ADNP2: variants seen among roughly 807,000 people sequenced by gnomAD.
ADNP2 encodes the protein activity-dependent neuroprotector homeobox protein 2.
ADNP2 carries 8 observed loss-of-function variants against 16.4 expected under a neutral mutation model. The observed-to-expected ratio is 0.49, with a 90% confidence interval of 0.29 to 0.88. The LOEUF (loss-of-function observed/expected upper bound fraction) is 0.88, where lower values mean the gene tolerates loss of function less well. Ranked by LOEUF, ADNP2 falls within the 40% of genes least tolerant of loss-of-function variation. The pLI is 0.09. For synonymous variants in ADNP2, 637 were observed against 545.8 expected, an observed-to-expected ratio of 1.17 and a Z score of -2.33; for missense variants, 1,397 against 1,395.1, an observed-to-expected ratio of 1.00 and a Z score of -0.02.
rs146790272 is a variant in ADNP2, at chr18:80,137,270, C to T, written c.1857C>T (p.Pro619=). 4.6e-5 allele frequency: 74 copies of T among 1,614,060 alleles called. No homozygotes were observed. Among genetic ancestry groups the T allele is most frequent in the Non-Finnish European group, 5.6e-5 (66 of 1,180,032 alleles). The change falls in exon 4 of 4, where the codon CCC becomes CCT. Residue 619 remains proline, a synonymous_variant. Transcript: ENST00000262198. The surrounding 1 kb of genome is among the most constrained non-coding windows in gnomAD (Gnocchi z 4.2). ...VNGIPTYTLA[P]VSVTLPVPPG... ...GGATTCCAACCTACACGCTGGCCCC[C>T]GTGTCTGTCACTCTGCCGGTTCCCC...
At chr18:80,117,113 T>C (rs899633677) in intron 1 of ADNP2, among the ~76,000 whole-genome samples, 2 of 152,232 alleles carry the variant, frequency 1.3e-5, no homozygotes, top group African/African-American at 4.8e-5. Context: ...TTGCAAATAT[T>C]TTCTCCCGTT....
chr18:80,115,289 C>T (rs771252299), intron 1 of ADNP2, among the ~76,000 whole-genome samples: 2 of 152,122 alleles, frequency 1.3e-5, no homozygotes, highest in Non-Finnish European at 2.9e-5. Context: ...CTTTATATTC[C>T]GGCACAGGAT....
At chr18:80,133,430 C>T (rs565814407) in intron 3 of ADNP2, among the ~76,000 whole-genome samples, 1 of 152,224 alleles carries the variant, frequency 6.6e-6, no homozygotes, top group South Asian at 2.1e-4. Context: ...GTTGTTTGTC[C>T]TTGATTATAA....
At chr18:80,130,748 G>T (rs948209335) in intron 2 of ADNP2, among the ~76,000 whole-genome samples, 2 of 74,668 alleles carry the variant, frequency 2.7e-5, no homozygotes, top group Admixed American at 1.3e-4. Context: ...CCGCCCCCCC[G>T]CCCACGTCAG....
chr18:80,135,794 C>A lies in ADNP2; in HGVS notation c.381C>A (p.Phe127Leu). 1 of 1,614,124 alleles carries A rather than the reference C, an allele frequency of 6.2e-7. No homozygotes were observed. The highest frequency in any genetic ancestry group is 8.5e-7 in the Non-Finnish European group (1 of 1,180,022). Residue 127 changes from phenylalanine (F) to leucine (L), a missense_variant, in exon 4 of 4, where the codon TTC becomes TTA. By Grantham distance (22) the Phe-to-Leu change is conservative. Transcript: ENST00000262198. ...PKVVGRHFRM[F>L]HAPVRKVQNY... ...TTGTGGGAAGGCACTTCAGAATGTT[C>A]CATGCACCTGTCCGGAAAGTCCAGA...
At chr18:80,123,433 G>A (rs373760604) in intron 2 of ADNP2, among the ~76,000 whole-genome samples, 3 of 149,472 alleles carry the variant, frequency 2.0e-5, no homozygotes, top group Admixed American at 6.6e-5. Context: ...GTGCAGTGGC[G>A]CAATCTTGGC....
In ADNP2 at chr18:80,137,154, C is replaced by A; in HGVS notation, c.1741C>A (p.Pro581Thr). ...CACCAACATTCTGCCTGTGAATCAG[C>A]CAGTGAGACCTGGTGCTTCGCAGAA... Reference protein sequence around the residue: ...VGTNILPVNQPVRPGASQNTT... With the variant: ...VGTNILPVNQTVRPGASQNTT... Residue 581 changes from proline to threonine, a missense_variant, in exon 4 of 4, where the codon CCA becomes ACA. Around this residue, in one of 3 missense-constraint regions of ADNP2, gnomAD observed 777 missense variants for 719.4 expected, o/e 1.08. Coordinates refer to ENST00000262198, the MANE Select transcript of ADNP2 (RefSeq NM_014913.4). This position sits in a 1 kb window ranked among gnomAD's most constrained non-coding sequence, Gnocchi z 4.2. The A allele has an allele frequency of 6.2e-7, 1 of 1,614,244 alleles. No homozygotes were observed. The highest frequency in any genetic ancestry group is 8.5e-7 in the Non-Finnish European group (1 of 1,180,038).
In ADNP2 at chr18:80,136,121, A is replaced by G. The variant is rs1444229443; in HGVS notation, c.708A>G (p.Thr236=). The G allele has an allele frequency of 3.7e-6, 6 of 1,614,232 alleles. No individual in the cohort carries two copies. The highest frequency in any genetic ancestry group is 1.3e-5 in the African/African-American group (1 of 75,080). Residue 236 remains threonine, a synonymous_variant, in exon 4 of 4, where the codon ACA becomes ACG. Transcript: ENST00000262198. ...ATGCGTTAATGTATCACATTTTGACATCAGACATACACAGAGATTTGGAGA... is the reference window on the plus strand; with the variant it reads ...ATGCGTTAATGTATCACATTTTGACGTCAGACATACACAGAGATTTGGAGA... ...SQDALMYHIL[T]SDIHRDLENK...
At chr18:80,129,964 C>CT (rs755536776) in intron 2 of ADNP2, among the ~76,000 whole-genome samples, 1 of 152,208 alleles carries the variant, frequency 6.6e-6, no homozygotes, top group Non-Finnish European at 1.5e-5. Context: ...TATAGTGCCT[C>CT]TGGGAAAGGC....
intron 2 of ADNP2, among the ~76,000 whole-genome samples, chr18:80,123,344 AGTT>A (rs2052437168): frequency 6.6e-6 from 1 of 151,986 alleles, no homozygotes; most frequent in South Asian, 2.1e-4. Flanking sequence ...ATGAGTTAGA[AGTT>A]GTTCCCTCCT....
chr18:80,138,694 G>A lies in ADNP2; in HGVS notation c.3281G>A (p.Arg1094Lys), dbSNP rs2052560694. ...GATGTGGCTTCATTTTTTGGAAAAA[G>A]AAGGTATATTTGCATGAAAGCAATA... ...KIDVASFFGKRRYICMKAIKN... is the reference protein window; with the variant it reads ...KIDVASFFGKKRYICMKAIKN... Residue 1094 changes from arginine to lysine, a missense_variant, in exon 4 of 4, where the codon AGA (arginine) becomes AAA (lysine). Physicochemically the swap from Arg to Lys is conservative, Grantham distance 26. This residue lies in a region of ADNP2 where 611 missense variants were observed against 648.7 expected (regional missense o/e 0.94). Coordinates refer to ENST00000262198, the MANE Select transcript of ADNP2 (RefSeq NM_014913.4). The A allele has an allele frequency of 2.5e-6, 4 of 1,612,276 alleles. No individual in the cohort carries two copies. The highest frequency in any genetic ancestry group is 1.1e-5 in the South Asian group (1 of 90,388).
At chr18:80,120,405 C>T (rs910052612) in intron 2 of ADNP2, among the ~76,000 whole-genome samples, 7 of 149,890 alleles carry the variant, frequency 4.7e-5, no homozygotes, top group Admixed American at 2.0e-4. Flanking sequence ...AATCATGGCT[C>T]CCTGCAGCCT....
At position 80,140,123 on chromosome 18, in the gene ADNP2, T is replaced by C. The variant is rs2052571979; in HGVS notation, c.*1314T>C. 6.6e-6 allele frequency: 1 copy of C among 152,196 alleles called. No individual in the cohort carries two copies. Among genetic ancestry groups the C allele is most frequent in the Admixed American group, 6.5e-5 (1 of 15,284 alleles). 9.4% of individuals were successfully genotyped at this position (152,196 alleles called of 1,614,324 possible). On this transcript the variant is annotated 3_prime_UTR_variant, in exon 4 of 4. Coordinates refer to ENST00000262198, the MANE Select transcript of ADNP2 (RefSeq NM_014913.4). ...TCTTTAGGTAGAAATATTTGGAGGA[T>C]GTGACAGCCTCTGAGAAACATAATG...
chr18:80,136,078 C>T lies in ADNP2; in HGVS notation c.665C>T (p.Ala222Val), dbSNP rs771493666. 1.9e-6 allele frequency: 3 copies of T among 1,614,202 alleles called. No homozygotes were observed. Among genetic ancestry groups the T allele is most frequent in the Non-Finnish European group, 2.5e-6 (3 of 1,180,022 alleles). Reference protein sequence around the residue: ...PDKYYCKKCNANASSQDALMY... With the variant: ...PDKYYCKKCNVNASSQDALMY... Reference sequence around the variant, plus strand: ...AAATATTACTGTAAAAAGTGCAACGCCAATGCCAGCAGCCAGGATGCGTTA... The same window carrying T: ...AAATATTACTGTAAAAAGTGCAACGTCAATGCCAGCAGCCAGGATGCGTTA... Residue 222 changes from alanine to valine, a missense_variant, in exon 4 of 4, where the codon GCC (alanine) becomes GTC (valine). Physicochemically the swap from Ala to Val is moderately conservative, Grantham distance 64 (BLOSUM62 0). Coordinates refer to ENST00000262198, the MANE Select transcript of ADNP2 (RefSeq NM_014913.4).
At position 80,138,010 on chromosome 18, in the gene ADNP2, C is replaced by T. The variant is rs2052554051; in HGVS notation, c.2597C>T (p.Thr866Ile). ...AAGGTGAGGCCTCAGGCTGAGGGCA[C>T]CCCCGGGAGCACCGGCAAGCGAGTG... ...YVKVRPQAEG[T>I]PGSTGKRVST... The change falls in exon 4 of 4, where the codon ACC becomes ATC. Residue 866 changes from threonine (T) to isoleucine (I), a missense_variant. This residue lies in a region of ADNP2 where 611 missense variants were observed against 648.7 expected (regional missense o/e 0.94). Coordinates refer to ENST00000262198, the MANE Select transcript of ADNP2 (RefSeq NM_014913.4). 6.2e-7 allele frequency: 1 copy of T among 1,613,334 alleles called. No homozygotes were observed. Among genetic ancestry groups the T allele is most frequent in the African/African-American group, 1.3e-5 (1 of 75,034 alleles).
chr18:80,130,684 C>G lies in ADNP2; in HGVS notation c.109-2419C>G, dbSNP rs868374936. On this transcript the variant is annotated intron_variant, in intron 2 of 3. Transcript: ENST00000262198. ...ACTTCATCAGGATTCTGCCCCAGGC[C>G]TTGTTGTTTCTCTCTCTCCTGTTCC... Among the ~76,000 whole-genome samples the G allele has an allele frequency of 2.3e-4, 35 of 152,214 alleles. 1 individual carries two copies. In the Middle Eastern group the frequency reaches 0.01, roughly 44 times the overall value.
chr18:80,136,360 C>T lies in ADNP2; in HGVS notation c.947C>T (p.Pro316Leu). The change falls in exon 4 of 4, where the codon CCT (proline) becomes CTT (leucine). Residue 316 changes from proline (P) to leucine (L), a missense_variant. By Grantham distance (98) the Pro-to-Leu change is moderately conservative. Around this residue, in one of 3 missense-constraint regions of ADNP2, gnomAD observed 777 missense variants for 719.4 expected, o/e 1.08. Coordinates refer to ENST00000262198, the MANE Select transcript of ADNP2 (RefSeq NM_014913.4). ...CCAGTGACTGTGGCCCAGGGTGCCCCTGGAAGCCTCACTCATTCCCCCCCT... is the reference window on the plus strand; with the variant it reads ...CCAGTGACTGTGGCCCAGGGTGCCCTTGGAAGCCTCACTCATTCCCCCCCT... ...GQPVTVAQGA[P>L]GSLTHSPPAA... The T allele has an allele frequency of 1.9e-6, 3 of 1,614,242 alleles. No individual in the cohort carries two copies. Among genetic ancestry groups the T allele is most frequent in the Non-Finnish European group, 2.5e-6 (3 of 1,180,050 alleles).
At position 80,136,663 on chromosome 18, in the gene ADNP2, G is replaced by T; in HGVS notation, c.1250G>T (p.Gly417Val). The T allele has an allele frequency of 1.9e-6, 3 of 1,613,592 alleles. No homozygotes were observed. The highest frequency in any genetic ancestry group is 2.5e-6 in the Non-Finnish European group (3 of 1,179,650). ...VGPINRPVGP[G>V]VLPVSPSVTP... ...CCCATAAACAGACCTGTTGGGCCTG[G>T]TGTTCTTCCTGTGAGCCCCTCTGTC... The change falls in exon 4 of 4, where the codon GGT becomes GTT. Residue 417 changes from glycine to valine, a missense_variant. Transcript: ENST00000262198.
chr18:80,137,410 T>C lies in ADNP2; in HGVS notation c.1997T>C (p.Val666Ala). 6.2e-7 allele frequency: 1 copy of C among 1,614,138 alleles called. No individual in the cohort carries two copies. The highest frequency in any genetic ancestry group is 1.3e-5 in the African/African-American group (1 of 75,056). Residue 666 changes from valine (V) to alanine (A), a missense_variant, in exon 4 of 4, where the codon GTG becomes GCG. Coordinates refer to ENST00000262198, the MANE Select transcript of ADNP2 (RefSeq NM_014913.4). The surrounding 1 kb of genome is among the most constrained non-coding windows in gnomAD (Gnocchi z 4.2). ...MPGMPSPPVL[V>A]NAAQSVFVQA... is the part of the protein sequence containing the mutation. ...GGCATGCCCTCTCCTCCAGTGCTGGTGAATGCTGCTCAGAGCGTGTTTGTT... is the reference window on the plus strand; with the variant it reads ...GGCATGCCCTCTCCTCCAGTGCTGGCGAATGCTGCTCAGAGCGTGTTTGTT...
Sources: gnomAD v4.1 joint callset for allele counts (sites outside exome capture counted in the v4.1 genomes callset) on GRCh38, gnomAD v4.1.1 for gene constraint, gnomAD v4.1.1 regional missense constraint, Gnocchi (gnomAD v3.1) non-coding constraint, MANE v1.5 for transcripts, NCBI Gene and HGNC (gene_info 2026-07-23, HGNC 2026-07-21) for gene names.